Variants in RGL1 observed in about 807,000 individuals in gnomAD.
RGL1 encodes the protein ral guanine nucleotide dissociation stimulator like 1.
Under a neutral mutation model 95.2 loss-of-function variants are expected in RGL1, and 24 were observed. That is an observed-to-expected ratio of 0.25 (90% CI 0.18 to 0.35). The LOEUF (loss-of-function observed/expected upper bound fraction) is 0.35, where lower values mean the gene tolerates loss of function less well. RGL1 is among the 10% of genes least tolerant of loss of function. RGL1 has a pLI of 1.00. For synonymous variants in RGL1, 329 were observed against 344.9 expected, an observed-to-expected ratio of 0.95 and a Z score of 0.51; for missense variants, 715 against 936.3, an observed-to-expected ratio of 0.76 and a Z score of 3.08.
At chr1:183,838,093 G>A (rs1273993083) in intron 2 of RGL1, among the ~76,000 whole-genome samples, 2 of 152,158 alleles carry the variant, frequency 1.3e-5, no homozygotes, top group African/African-American at 2.4e-5. Context: ...AAGCAGAAAA[G>A]TATCAGATGA....
intron 14 of RGL1, among the ~76,000 whole-genome samples, chr1:183,910,145 C>T (rs1281147184): frequency 2.6e-5 from 4 of 152,074 alleles, no homozygotes; most frequent in Admixed American, 6.6e-5. Context: ...TTTGCTCTGT[C>T]GCTTAGGCTG....
In RGL1 at chr1:183,724,464, A is replaced by C. The variant is rs1011900363; in HGVS notation, c.-32-17662A>C. Among the ~76,000 whole-genome samples the C allele has an allele frequency of 1.3e-5, 2 of 152,058 alleles. No individual in the cohort carries two copies. The highest frequency in any genetic ancestry group is 2.9e-5 in the Non-Finnish European group (2 of 67,998). On this transcript the variant is annotated intron_variant, in intron 1 of 18. Coordinates refer to the RGL1 transcript ENST00000304685. The surrounding 1 kb of genome is among the most constrained non-coding windows in gnomAD (Gnocchi z 4.1). ...CTGACATATGAGTCCTAAGCCTGGC[A>C]ACATTCACCACAAGCTGACTGGAGA...
At chr1:183,689,825 T>TA in intron 1 of RGL1, among the ~76,000 whole-genome samples, 1 of 152,200 alleles carries the variant, frequency 6.6e-6, no homozygotes, top group Middle Eastern at 3.4e-3. Context: ...GATTATGCAA[T>TA]AAAAAACATT....
intron 2 of RGL1, among the ~76,000 whole-genome samples, chr1:183,762,749 G>A (rs1658761782): frequency 6.6e-6 from 1 of 152,204 alleles, no homozygotes; most frequent in Non-Finnish European, 1.5e-5. Flanking sequence ...AACAGATGCT[G>A]GAGAGGGTGT....
chr1:183,663,097 A>C (rs1489194971), intron 1 of RGL1, among the ~76,000 whole-genome samples: 19 of 151,500 alleles, frequency 1.3e-4, no homozygotes, highest in African/African-American at 4.6e-4. Flanking sequence ...TAGACCTAAA[A>C]CCATAAAAAC....
intron 1 of RGL1, among the ~76,000 whole-genome samples, chr1:183,664,687 A>G (rs575776600): frequency 2.1e-4 from 32 of 152,280 alleles, no homozygotes; most frequent in Middle Eastern, 3.4e-3. Context: ...TTGTATTTCA[A>G]AAGTGAGACA....
At chr1:183,790,100 T>G (rs1340055465) in intron 2 of RGL1, among the ~76,000 whole-genome samples, 1 of 151,810 alleles carries the variant, frequency 6.6e-6, no homozygotes, top group Non-Finnish European at 1.5e-5. Flanking sequence ...TTTTTTTTAA[T>G]TTTTTGGTAG....
chr1:183,850,322 G>A (rs543394132), intron 3 of RGL1, among the ~76,000 whole-genome samples: 17 of 151,938 alleles, frequency 1.1e-4, no homozygotes, highest in East Asian at 3.9e-4. Context: ...TTTTCCATTC[G>A]TTTTAAAAGT....
At chr1:183,816,146 A>C (rs886861402) in intron 2 of RGL1, among the ~76,000 whole-genome samples, 1 of 152,204 alleles carries the variant, frequency 6.6e-6, no homozygotes, top group African/African-American at 2.4e-5. Flanking sequence ...CTCGGGCTCC[A>C]ACATTTTGCA....
At chr1:183,701,213 G>C (rs1654579977) in intron 1 of RGL1, among the ~76,000 whole-genome samples, 1 of 152,182 alleles carries the variant, frequency 6.6e-6, no homozygotes, top group African/African-American at 2.4e-5. Context: ...CCTAGGTTTT[G>C]GTTTTGGGGA....
chr1:183,761,915 A>C (rs1011024405), intron 2 of RGL1, among the ~76,000 whole-genome samples: 1 of 152,176 alleles, frequency 6.6e-6, no homozygotes, highest in African/African-American at 2.4e-5. Flanking sequence ...CTTAAACATC[A>C]TGAACCAACC....
intron 9 of RGL1, among the ~76,000 whole-genome samples, chr1:183,896,190 A>G (rs1176193063): frequency 1.3e-5 from 2 of 152,172 alleles, no homozygotes; most frequent in Admixed American, 6.5e-5. Context: ...ACTCACAACT[A>G]TCTAGCACAG....
intron 1 of RGL1, among the ~76,000 whole-genome samples, chr1:183,661,811 A>G (rs1233156318): frequency 1.3e-5 from 2 of 151,074 alleles, no homozygotes; most frequent in Non-Finnish European, 2.9e-5. Flanking sequence ...AAAATCCTCA[A>G]TAAAATACTG....
Position 183,724,477 on chromosome 1 carries a change from A to G in RGL1, c.-32-17649A>G, listed in dbSNP as rs1386486137. Among the ~76,000 whole-genome samples the G allele has an allele frequency of 6.6e-6, 1 of 152,078 alleles. No individual in the cohort carries two copies. The highest frequency in any genetic ancestry group is 1.5e-5 in the Non-Finnish European group (1 of 68,000). On this transcript the variant is annotated intron_variant, in intron 1 of 18. Transcript: ENST00000304685. The surrounding 1 kb of genome is among the most constrained non-coding windows in gnomAD (Gnocchi z 4.1). ...CCTAAGCCTGGCAACATTCACCACAAGCTGACTGGAGATCCCTTGGGCCTT... is the reference window on the plus strand; with the variant it reads ...CCTAAGCCTGGCAACATTCACCACAGGCTGACTGGAGATCCCTTGGGCCTT...
At chr1:183,654,827 T>C (rs1474151901) in intron 1 of RGL1, among the ~76,000 whole-genome samples, 1 of 152,242 alleles carries the variant, frequency 6.6e-6, no homozygotes, top group Non-Finnish European at 1.5e-5. Flanking sequence ...CAATTAGTCA[T>C]TATTCTTTAA....
Position 183,880,685 on chromosome 1 carries a change from C to T in RGL1, c.495C>T (p.Phe165=). 3 of 1,613,960 alleles carry T rather than the reference C, an allele frequency of 1.9e-6. No individual in the cohort carries two copies. Among genetic ancestry groups the T allele is most frequent in the Non-Finnish European group, 1.7e-6 (2 of 1,179,834 alleles). The change falls in exon 5 of 18, where the codon TTC becomes TTT. Residue 165 remains phenylalanine (F), a synonymous_variant. Coordinates refer to ENST00000360851, the MANE Select transcript of RGL1 (RefSeq NM_001297671.3). ...AAGACTTCCGAGAGCCCCCTCACTT[C>T]CCTTGCTTACAGAAACTGCTGGATT... is the stretch of plus-strand genomic sequence containing the variant. The part of the protein sequence containing the change: ...CAEDFREPPH[F]PCLQKLLDYL...
At position 183,912,261 on chromosome 1, in the gene RGL1, A is replaced by T; in HGVS notation, c.1742A>T (p.Gln581Leu). 6.2e-7 allele frequency: 1 copy of T among 1,612,318 alleles called. No homozygotes were observed. The highest frequency in any genetic ancestry group is 8.5e-7 in the Non-Finnish European group (1 of 1,178,860). The change falls in exon 15 of 18, where the codon CAA becomes CTA. Residue 581 changes from glutamine (Q) to leucine (L), a missense_variant. Physicochemically the swap from Gln to Leu is moderately radical, Grantham distance 113 (BLOSUM62 -2). Transcript: ENST00000360851. ...CCCATGGACACCCCTGATGAGCCTC[A>T]AAAAAAGGTATATACTCAACCCTTC... ...ITPMDTPDEPQKKLSESSSSC... is the reference protein window; with the variant it reads ...ITPMDTPDEPLKKLSESSSSC...
intron 2 of RGL1, among the ~76,000 whole-genome samples, chr1:183,753,554 A>C (rs1167361930): frequency 6.6e-6 from 1 of 152,192 alleles, no homozygotes; most frequent in African/African-American, 2.4e-5. Flanking sequence ...CTATGTTCCA[A>C]TTCCTAGAAA....
chr1:183,767,641 C>T (rs991797050), intron 2 of RGL1, among the ~76,000 whole-genome samples: 3 of 152,066 alleles, frequency 2.0e-5, no homozygotes, highest in Admixed American at 1.3e-4. Context: ...AATCTGGCTT[C>T]GTGCTCAACA....
Sources: gnomAD v4.1 joint callset for allele counts (sites outside exome capture counted in the v4.1 genomes callset) on GRCh38, gnomAD v4.1.1 for gene constraint, Gnocchi (gnomAD v3.1) non-coding constraint, MANE v1.5 for transcripts, NCBI Gene and HGNC (gene_info 2026-07-23, HGNC 2026-07-21) for gene names.